Variants in PCDHA3 observed in about 807,000 individuals in gnomAD.
PCDHA3 encodes protocadherin alpha-3.
A neutral mutation model predicts 62.2 loss-of-function variants in PCDHA3; 41 were observed. That is an observed-to-expected ratio of 0.66 (90% confidence interval 0.51 to 0.86). The LOEUF is 0.86. Among genes scored for constraint, PCDHA3 ranks in the 40% least tolerant of loss-of-function variants. The pLI is 0.00. For synonymous variants in PCDHA3, 640 were observed against 555.4 expected (o/e 1.15, Z -2.14); for missense variants, 1,304 against 1,241.2 (o/e 1.05, Z -0.76).
At chr5:140,860,376 A>G (rs1301503949) in intron 1 of PCDHA3, 1 of 152,078 alleles carries the variant, frequency 6.6e-6, no homozygotes, top group Non-Finnish European at 1.5e-5. Context: ...GTGAGACCCT[A>G]TTTCAAAAAT....
chr5:140,969,351 G>A (rs1554231714), intron 1 of PCDHA3: 1 of 1,612,990 alleles, frequency 6.2e-7, no homozygotes, highest in Non-Finnish European at 8.5e-7. Flanking sequence ...TGGTCAGGGG[G>A]TCTTCTACAA....
At chr5:140,846,379 T>C (rs1554141291) in intron 1 of PCDHA3, among the ~76,000 whole-genome samples, 2 of 135,592 alleles carry the variant, frequency 1.5e-5, no homozygotes, top group South Asian at 2.3e-4. Context: ...CTTTCTTTTT[T>C]TTTTTTTTTT....
chr5:140,827,986 AATG>A, intron 1 of PCDHA3: 1 of 1,456,760 alleles, frequency 6.9e-7, no homozygotes, highest in Non-Finnish European at 9.2e-7. Context: ...CTGACTGTTG[AATG>A]ATGGCGGACG....
At chr5:140,958,295 C>T (rs1405336220) in intron 1 of PCDHA3, among the ~76,000 whole-genome samples, 1 of 151,884 alleles carries the variant, frequency 6.6e-6, no homozygotes, top group Admixed American at 6.6e-5. Context: ...TATTATTGAA[C>T]TTAATTAAAA....
At chr5:140,962,625 A>C (rs2095697493) in intron 1 of PCDHA3, among the ~76,000 whole-genome samples, 1 of 152,228 alleles carries the variant, frequency 6.6e-6, no homozygotes, top group Non-Finnish European at 1.5e-5. Context: ...GAGATGTGAA[A>C]AAATTTAGCC....
intron 1 of PCDHA3, among the ~76,000 whole-genome samples, chr5:140,891,611 T>G (rs1457156522): frequency 6.6e-6 from 1 of 152,226 alleles, no homozygotes; most frequent in East Asian, 1.9e-4. Context: ...TTTCTACCTT[T>G]TATTTTAACA....
At chr5:140,829,048 C>T (rs2150162121) in intron 1 of PCDHA3, 1 of 1,612,862 alleles carries the variant, frequency 6.2e-7, no homozygotes, top group Non-Finnish European at 8.5e-7. Flanking sequence ...ACAAAATCCT[C>T]ATTGACGCCA....
rs57893927 is a variant in PCDHA3 at position 140,946,631 on chromosome 5, T to TATATATATATATACACAC, written c.2395-32317_2395-32316insTATATATATATACACACA. ...TGTGAAATATATATATATATATATA[T>TATATATATATATACACAC]ACAATGGAATACTCATCAGCCATTA... On this transcript the variant is annotated intron_variant, in intron 1 of 3. Transcript: ENST00000522353. Among the ~76,000 whole-genome samples the TATATATATATATACACAC allele has an allele frequency of 9.9e-5, 13 of 131,856 alleles. 1 individual carries two copies. The East Asian group carries it at 2.7e-3, about 27-fold the overall frequency. 86.5% of individuals were successfully genotyped at this position (131,856 alleles called of 152,430 possible). A position where few individuals can be genotyped will look rare whatever the true frequency, so the allele number is the denominator to read the frequency against.
chr5:140,912,993 T>C (rs186652657), intron 1 of PCDHA3, among the ~76,000 whole-genome samples: 1 of 152,294 alleles, frequency 6.6e-6, no homozygotes, highest in Non-Finnish European at 1.5e-5. Flanking sequence ...TTCAGTTTGC[T>C]AGTATTTTGT....
chr5:140,809,359 T>C, intron 1 of PCDHA3: 1 of 1,614,052 alleles, frequency 6.2e-7, no homozygotes, highest in South Asian at 1.1e-5. Flanking sequence ...TGCGGTGCTC[T>C]GCGCTGCCCA....
chr5:140,921,377 T>C (rs1368330420), intron 1 of PCDHA3, among the ~76,000 whole-genome samples: 2 of 152,172 alleles, frequency 1.3e-5, no homozygotes, highest in Non-Finnish European at 2.9e-5. Flanking sequence ...TATTTCTACA[T>C]ATTTGATAAA....
intron 1 of PCDHA3, among the ~76,000 whole-genome samples, chr5:140,905,614 A>T (rs1167406063): frequency 6.6e-6 from 1 of 152,094 alleles, no homozygotes; most frequent in Non-Finnish European, 1.5e-5. Flanking sequence ...GAATCTATAG[A>T]TTGCTTTTGA....
chr5:140,829,682 CT>C, intron 1 of PCDHA3: 1 of 1,613,258 alleles, frequency 6.2e-7, no homozygotes, highest in South Asian at 1.1e-5. Flanking sequence ...GCTAGAGCTG[CT>C]GCAGTTTCAG....
intron 1 of PCDHA3, chr5:140,828,956 G>A: frequency 1.2e-6 from 2 of 1,614,244 alleles, no homozygotes; most frequent in Non-Finnish European, 1.7e-6. Flanking sequence ...TGCAGCCATG[G>A]TTATTGACCA....
At chr5:140,987,262 G>A (rs563934474) in intron 3 of PCDHA3, among the ~76,000 whole-genome samples, 1 of 151,978 alleles carries the variant, frequency 6.6e-6, no homozygotes, top group South Asian at 2.1e-4. Context: ...TCTCAGGAAT[G>A]GGACCCGGCA....
At chr5:140,990,858 T>C (rs1243458417) in intron 3 of PCDHA3, among the ~76,000 whole-genome samples, 2 of 152,172 alleles carry the variant, frequency 1.3e-5, no homozygotes, top group African/African-American at 2.4e-5. Flanking sequence ...CCTGAGGACA[T>C]TGTATTTTAA....
chr5:140,994,665 A>G (rs555985538), intron 3 of PCDHA3, among the ~76,000 whole-genome samples: 1 of 152,294 alleles, frequency 6.6e-6, no homozygotes, highest in East Asian at 1.9e-4. Flanking sequence ...AGATCACACT[A>G]CTGCACTCCA....
In PCDHA3 at chr5:140,801,677, A is replaced by G; in HGVS notation, c.480A>G (p.Ala160=). ...SRFSLEGASD[A]DIGTNSLLTY... ...TTTCGCTAGAGGGCGCATCAGATGC[A>G]GATATCGGAACAAATTCGTTGTTGA... is the stretch of plus-strand genomic sequence containing the variant. Residue 160 remains alanine, a synonymous_variant, in exon 1 of 4, where the codon GCA becomes GCG. Coordinates refer to ENST00000522353, the MANE Select transcript of PCDHA3 (RefSeq NM_018906.3). 1 of 1,614,226 alleles carries G rather than the reference A, an allele frequency of 6.2e-7. No homozygotes were observed. Among genetic ancestry groups the G allele is most frequent in the Non-Finnish European group, 8.5e-7 (1 of 1,180,022 alleles).
Position 140,913,476 on chromosome 5 carries a change from T to G in PCDHA3, c.2395-65473T>G, listed in dbSNP as rs191224245. On this transcript the variant is annotated intron_variant, in intron 1 of 3. Transcript: ENST00000522353. ...TTTATTTACTTGGGTCTTCTCTCTT[T>G]TTTTCTTCATTAGTCTGTTTAAAAC... Among the ~76,000 whole-genome samples the G allele has an allele frequency of 5.9e-3, 899 of 152,286 alleles. 12 individuals carry two copies. Among genetic ancestry groups the G allele is most frequent in the African/African-American group, 0.02 (842 of 41,576 alleles).
Sources: gnomAD v4.1 joint callset for allele counts (sites outside exome capture counted in the v4.1 genomes callset) on GRCh38, gnomAD v4.1.1 for gene constraint, MANE v1.5 for transcripts, NCBI Gene and HGNC (gene_info 2026-07-23, HGNC 2026-07-21) for gene names.